The following LTBP1 variants were observed in gnomAD, a reference collection of about 807,000 sequenced individuals.
LTBP1 encodes the protein latent-transforming growth factor beta-binding protein 1.
LTBP1 carries 129 observed loss-of-function variants against 207.6 expected under a neutral mutation model. That is an observed-to-expected ratio of 0.62 (90% CI 0.54 to 0.72). The LOEUF (loss-of-function observed/expected upper bound fraction) is 0.72, where lower values mean the gene tolerates loss of function less well. LTBP1 is among the 30% of genes least tolerant of loss of function. The pLI is 0.00. For synonymous variants in LTBP1, 963 were observed against 833.7 expected (o/e 1.16, Z -2.67); for missense variants, 2,281 against 2,217.2 (o/e 1.03, Z -0.58).
At chr2:33,391,371 C>A (rs55852561) in intron 32 of LTBP1, among the ~76,000 whole-genome samples, 24,733 of 151,914 alleles carry the variant, frequency 0.16, 2,141 homozygotes, top group East Asian at 0.25. Flanking sequence ...AATGCACTCA[C>A]AGCTACAAGA....
chr2:33,322,196 A>G (rs1217542180), intron 24 of LTBP1, among the ~76,000 whole-genome samples: 1 of 151,420 alleles, frequency 6.6e-6, no homozygotes, highest in African/African-American at 2.4e-5. Context: ...TCATCTGTTC[A>G]TAGAAGGAGA....
chr2:33,258,482 G>A (rs967798155), intron 12 of LTBP1, among the ~76,000 whole-genome samples: 2 of 152,118 alleles, frequency 1.3e-5, no homozygotes, highest in Non-Finnish European at 2.9e-5. Flanking sequence ...ACGTTTGTGT[G>A]TTCTGGCCTA....
chr2:33,252,785 G>C lies in LTBP1; in HGVS notation c.2108G>C (p.Cys703Ser). Reference sequence around the variant, plus strand: ...GTTCACCTCACCAAGCAGCTCTGCTGTTGTAGTGTGGGCAAGGCCTGGGGC... The same window carrying C: ...GTTCACCTCACCAAGCAGCTCTGCTCTTGTAGTGTGGGCAAGGCCTGGGGC... ...LSVHLTKQLC[C>S]CSVGKAWGPH... Residue 703 changes from cysteine (C) to serine (S), a missense_variant, in exon 11 of 34, where the codon TGT becomes TCT. Coordinates refer to ENST00000404816, the MANE Select transcript of LTBP1 (RefSeq NM_206943.4). The C allele has an allele frequency of 1.2e-6, 2 of 1,613,950 alleles. No homozygotes were observed. The highest frequency in any genetic ancestry group is 1.7e-6 in the Non-Finnish European group (2 of 1,179,872).
chr2:33,341,133 A>G (rs2094614126), intron 24 of LTBP1, among the ~76,000 whole-genome samples: 1 of 152,208 alleles, frequency 6.6e-6, no homozygotes, highest in Non-Finnish European at 1.5e-5. Flanking sequence ...CAGAGAGAGC[A>G]GAGTACCAGG....
chr2:33,365,766 ATAACT>A (rs2094979125), intron 31 of LTBP1, among the ~76,000 whole-genome samples: 1 of 152,156 alleles, frequency 6.6e-6, no homozygotes, highest in African/African-American at 2.4e-5. Context: ...CCAAAAAAAC[ATAACT>A]TAGCAATCAG....
In LTBP1 at chr2:33,289,847, C is replaced by T. The variant is rs536759263; in HGVS notation, c.3113-3313C>T. ...CTACCATGAAAACCAGAGGCATAAT[C>T]ATCTCCCTCTGCTTCAGGGAAAAGG... On this transcript the variant is annotated intron_variant, in intron 19 of 33. Transcript: ENST00000404816. Among the ~76,000 whole-genome samples the T allele has an allele frequency of 7.2e-5, 11 of 152,278 alleles. No individual in the cohort carries two copies. The South Asian group carries it at 2.3e-3, about 32-fold the overall frequency.
intron 8 of LTBP1, among the ~76,000 whole-genome samples, chr2:33,220,313 CT>C (rs1165579822): frequency 6.8e-6 from 1 of 147,750 alleles, no homozygotes; most frequent in African/African-American, 2.5e-5. Flanking sequence ...GCTTTCTACG[CT>C]ATGGTTTTGT....
chr2:32,952,427 G>A (rs1356497537), intron 2 of LTBP1, among the ~76,000 whole-genome samples: 4 of 152,312 alleles, frequency 2.6e-5, no homozygotes, highest in South Asian at 4.1e-4. Flanking sequence ...CCTAGGAATC[G>A]AAATTATCGT....
intron 3 of LTBP1, among the ~76,000 whole-genome samples, chr2:33,097,815 A>G (rs1192989730): frequency 2.0e-5 from 3 of 152,212 alleles, no homozygotes; most frequent in African/African-American, 4.8e-5. Flanking sequence ...TAGTGGTTAT[A>G]TAGCACTCCA....
intron 5 of LTBP1, among the ~76,000 whole-genome samples, chr2:33,160,526 A>G (rs2084372812): frequency 1.3e-5 from 2 of 152,196 alleles, no homozygotes; most frequent in South Asian, 4.2e-4. Context: ...ATGAGGTACC[A>G]CATCTTCTTT....
Position 33,347,566 on chromosome 2 carries a change from C to A in LTBP1, c.4000+56C>A, listed in dbSNP as rs1483822624. ...GACAGGCTCCTCTCAAAGACCTGCA[C>A]CCACACAGCTTTGGGATAAACGCTG... On this transcript the variant is annotated intron_variant, in intron 26 of 33. Transcript: ENST00000404816. 50 of 1,601,832 alleles carry A rather than the reference C, an allele frequency of 3.1e-5. 1 individual carries two copies. Among genetic ancestry groups the A allele is most frequent in the Non-Finnish European group, 4.1e-5 (48 of 1,171,378 alleles).
intron 16 of LTBP1, 144 bp downstream of exon 16, chr2:33,273,925 C>T: frequency 1.8e-6 from 1 of 543,846 alleles, no homozygotes; most frequent in South Asian, 5.1e-5. Flanking sequence ...TAAGGGAGCT[C>T]AAAAAAAGGT....
chr2:33,134,947 G>A lies in LTBP1; in HGVS notation c.1188G>A (p.Thr396=), dbSNP rs762118530. The A allele has an allele frequency of 1.1e-5, 18 of 1,611,352 alleles. No homozygotes were observed. The highest frequency in any genetic ancestry group is 8.0e-5 in the African/African-American group (6 of 74,868). Reference sequence around the variant, plus strand: ...ATGCTGCCGACACCCTGACGGCCACGAACTTCCGAGTGGGTGAGTTCCTCC... The same window carrying A: ...ATGCTGCCGACACCCTGACGGCCACAAACTTCCGAGTGGGTGAGTTCCTCC... ...NGHAADTLTA[T]NFRVVICHLP... The change falls in exon 5 of 34, where the codon ACG becomes ACA. Residue 396 remains threonine (T), a synonymous_variant. Transcript: ENST00000404816. This position sits in a 1 kb window ranked among gnomAD's most constrained non-coding sequence, Gnocchi z 4.4.
intron 24 of LTBP1, among the ~76,000 whole-genome samples, chr2:33,326,185 G>T (rs377462159): frequency 1.3e-5 from 2 of 152,140 alleles, no homozygotes; most frequent in African/African-American, 4.8e-5. Flanking sequence ...GAATTTTCAT[G>T]TATAATATCA....
intron 5 of LTBP1, among the ~76,000 whole-genome samples, chr2:33,184,268 A>G (rs913178081): frequency 6.6e-6 from 1 of 152,156 alleles, no homozygotes; most frequent in African/African-American, 2.4e-5. Context: ...TGAAGCCTCC[A>G]AAATAACTTA....
intron 31 of LTBP1, among the ~76,000 whole-genome samples, chr2:33,366,548 C>T (rs2150123700): frequency 6.6e-6 from 1 of 152,314 alleles, no homozygotes; most frequent in African/African-American, 2.4e-5. Context: ...ACACAAAGCA[C>T]TAGATGGCAA....
At chr2:33,172,900 G>A (rs2085608855) in intron 5 of LTBP1, among the ~76,000 whole-genome samples, 1 of 151,374 alleles carries the variant, frequency 6.6e-6, no homozygotes, top group Non-Finnish European at 1.5e-5. Flanking sequence ...GCTCCTGAAT[G>A]ACTACTGGGT....
intron 3 of LTBP1, among the ~76,000 whole-genome samples, chr2:33,050,142 T>C (rs201722409): frequency 8.7e-6 from 1 of 114,902 alleles, no homozygotes; most frequent in African/African-American, 2.9e-5. Flanking sequence ...TTTTTTTTTT[T>C]TCTTTTCTTT....
At chr2:32,951,620 T>G (rs1227129552) in intron 2 of LTBP1, among the ~76,000 whole-genome samples, 2 of 152,152 alleles carry the variant, frequency 1.3e-5, no homozygotes, top group African/African-American at 4.8e-5. Context: ...CTCAGGGAGT[T>G]CACTTGACCT....
Sources: gnomAD v4.1 joint callset for allele counts (sites outside exome capture counted in the v4.1 genomes callset) on GRCh38, gnomAD v4.1.1 for gene constraint, Gnocchi (gnomAD v3.1) non-coding constraint, MANE v1.5 for transcripts, NCBI Gene and HGNC (gene_info 2026-07-23, HGNC 2026-07-21) for gene names.